The following MACF1 variants were observed in gnomAD, a reference collection of about 807,000 sequenced individuals.
The protein encoded by MACF1 is microtubule actin crosslinking factor 1, also known as microtubule-actin cross-linking factor 1.
Under a neutral mutation model 854.8 loss-of-function variants are expected in MACF1, and 193 were observed. The ratio of observed to expected loss-of-function variants is 0.23; its 90% CI spans 0.20 to 0.25. The LOEUF is 0.25. Among genes scored for constraint, MACF1 ranks in the 10% least tolerant of loss-of-function variants. The pLI, the probability that MACF1 is intolerant of heterozygous loss-of-function variation, is 1.00. For missense variants in MACF1, 7,722 were observed against 8,929.1 expected (o/e 0.86, Z 5.45); for synonymous variants, 3,185 against 3,226.7 (o/e 0.99, Z 0.44).
intron 2 of MACF1, among the ~76,000 whole-genome samples, chr1:39,236,593 G>A (rs1644861809): frequency 6.6e-6 from 1 of 152,182 alleles, no homozygotes; most frequent in South Asian, 2.1e-4. Context: ...GGCAAATATT[G>A]TGTCTTATTG....
At chr1:39,475,966 CA>C (rs749993707) in intron 97 of MACF1, among the ~76,000 whole-genome samples, 129 of 152,164 alleles carry the variant, frequency 8.5e-4, no homozygotes, top group East Asian at 1.5e-3. Context: ...TCCTTGAAGC[CA>C]GGGGAGGACA....
chr1:39,253,242 G>A (rs1167207731), intron 4 of MACF1, among the ~76,000 whole-genome samples: 1 of 152,170 alleles, frequency 6.6e-6, no homozygotes, highest in African/African-American at 2.4e-5. Flanking sequence ...TAGAGATGGG[G>A]TTCTCTCCAG....
chr1:39,411,473 C>A, intron 58 of MACF1: 1 of 1,613,696 alleles, frequency 6.2e-7, no homozygotes. Context: ...CCACAGCCAG[C>A]CAAGGACCAG....
At chr1:39,269,770 C>A in intron 6 of MACF1, 1 of 1,235,328 alleles carries the variant, frequency 8.1e-7, no homozygotes, top group Non-Finnish European at 1.0e-6. Flanking sequence ...GGATTCTTGG[C>A]CCTCAAACAT....
intron 71 of MACF1, 105 bp downstream of exon 71, chr1:39,438,113 C>T (rs1221387465): frequency 4.9e-6 from 5 of 1,014,284 alleles, no homozygotes; most frequent in Non-Finnish European, 5.7e-6. Flanking sequence ...AATGTAAAGG[C>T]AGTCCCCAGT....
intron 2 of MACF1, among the ~76,000 whole-genome samples, chr1:39,110,229 T>C (rs1421616482): frequency 2.8e-5 from 3 of 106,452 alleles, no homozygotes; most frequent in Non-Finnish European, 5.7e-5. Flanking sequence ...TGGATGTTGT[T>C]CTTTTTTTTT....
chr1:39,385,416 G>C lies in MACF1; in HGVS notation c.13849-18G>C, dbSNP rs771087935. ...GTTTTTTTCCTGTCTAAACATCTTG[G>C]TGTCATTTCTATTTCAGTTTATGCT... On this transcript the variant is annotated intron_variant, in intron 56 of 100. Coordinates refer to ENST00000564288, the MANE Select transcript of MACF1 (RefSeq NM_001394062.1). The C allele has an allele frequency of 2.5e-6, 4 of 1,610,320 alleles. No homozygotes were observed. The highest frequency in any genetic ancestry group is 2.5e-6 in the Non-Finnish European group (3 of 1,177,504).
At chr1:39,360,013 ATATATAT>A (rs1246896748) in intron 47 of MACF1, among the ~76,000 whole-genome samples, 47 of 20,944 alleles carry the variant, frequency 2.2e-3, no homozygotes, top group Non-Finnish European at 2.6e-3. Context: ...AAAAAAAAAA[ATATATAT>A]ATATATATAT....
chr1:39,304,541 C>G (rs1010690926), intron 23 of MACF1: 3 of 1,074,468 alleles, frequency 2.8e-6, no homozygotes, highest in East Asian at 2.5e-5. Context: ...TTCAGCAACA[C>G]TCCTTTCAAA....
At chr1:39,367,551 T>G (rs577927303) in intron 49 of MACF1, among the ~76,000 whole-genome samples, 60 of 152,220 alleles carry the variant, frequency 3.9e-4, no homozygotes, top group African/African-American at 1.4e-3. Context: ...TTTACCCCCA[T>G]TTTATAGAAG....
intron 56 of MACF1, among the ~76,000 whole-genome samples, chr1:39,382,942 G>A (rs1172482733): frequency 1.3e-5 from 2 of 151,514 alleles, no homozygotes; most frequent in East Asian, 3.9e-4. Context: ...CCAACATGGT[G>A]AAACCTTGCC....
intron 58 of MACF1, among the ~76,000 whole-genome samples, chr1:39,391,799 A>G (rs997645465): frequency 5.3e-5 from 8 of 152,220 alleles, no homozygotes; most frequent in Non-Finnish European, 8.8e-5. Context: ...TCAGAGTTCA[A>G]TAGCACTTAG....
intron 60 of MACF1, among the ~76,000 whole-genome samples, chr1:39,423,728 A>T (rs1011065926): frequency 5.0e-4 from 76 of 152,194 alleles, no homozygotes; most frequent in African/African-American, 1.8e-3. Flanking sequence ...GATAATTAAC[A>T]TATTCATCAC....
Position 39,105,845 on chromosome 1 carries a change from C to T in MACF1, c.220+21407C>T, listed in dbSNP as rs1056426742. The T allele has an allele frequency of 1.4e-6, 1 of 723,024 alleles. No homozygotes were observed. Among genetic ancestry groups the T allele is most frequent in the Non-Finnish European group, 1.7e-6 (1 of 589,826 alleles). The allele number at this position is 723,024 out of a possible 1,614,324, so 44.8% of individuals were successfully genotyped here. On this transcript the variant is annotated intron_variant, in intron 2 of 93. Coordinates refer to the MACF1 transcript ENST00000361689. The surrounding 1 kb of genome is among the most constrained non-coding windows in gnomAD (Gnocchi z 5.9). ...CGCACCCACCGCGCGGGGCTTGGCC[C>T]TGAGCTGCTGCTTCTCGGGGCCAGT...
intron 1 of MACF1, among the ~76,000 whole-genome samples, chr1:39,229,864 C>T (rs147072034): frequency 1.3e-5 from 2 of 152,272 alleles, no homozygotes; most frequent in East Asian, 3.9e-4. Context: ...CCCACCTCAG[C>T]CTCTTGAGTA....
chr1:39,177,736 C>G (rs1644049820), intron 2 of MACF1, among the ~76,000 whole-genome samples: 2 of 152,036 alleles, frequency 1.3e-5, no homozygotes, highest in Non-Finnish European at 1.5e-5. Context: ...CTCAGTTTTG[C>G]TCCGGGCACT....
intron 58 of MACF1, among the ~76,000 whole-genome samples, chr1:39,420,276 C>T (rs150214783): frequency 1.3e-5 from 2 of 152,180 alleles, no homozygotes; most frequent in Non-Finnish European, 1.5e-5. Flanking sequence ...CCCTCCATAC[C>T]TTGGCTTTCT....
Position 39,424,018 on chromosome 1 carries a change from T to C in MACF1, c.16150-10T>C. Reference sequence around the variant, plus strand: ...TCCTGTGTTACAGCTTTTCATTCTCTTTATAATAGTTGCTCCAGCGGCTCC... The same window carrying C: ...TCCTGTGTTACAGCTTTTCATTCTCCTTATAATAGTTGCTCCAGCGGCTCC... On this transcript the variant is annotated splice_polypyrimidine_tract_variant and intron_variant, in intron 60 of 100. Transcript: ENST00000564288. The C allele has an allele frequency of 6.2e-7, 1 of 1,607,726 alleles. No individual in the cohort carries two copies. The highest frequency in any genetic ancestry group is 1.1e-5 in the South Asian group (1 of 90,468).
chr1:39,314,569 T>TCACACACACA (rs58459573), intron 26 of MACF1, among the ~76,000 whole-genome samples: 21 of 65,352 alleles, frequency 3.2e-4, no homozygotes, highest in Non-Finnish European at 4.2e-4. Context: ...TCTCTCTCTC[T>TCACACACACA]CACACACACA....
Sources: allele counts gnomAD v4.1 joint callset (sites outside exome capture counted in the v4.1 genomes callset), GRCh38; gene constraint gnomAD v4.1.1; non-coding constraint Gnocchi (gnomAD v3.1); transcripts MANE v1.5; gene names NCBI Gene and HGNC (gene_info 2026-07-23, HGNC 2026-07-21).